Variants in REG3A observed in about 807,000 individuals in gnomAD.
The protein encoded by REG3A is regenerating islet-derived protein 3-alpha.
A neutral mutation model predicts 20.5 loss-of-function variants in REG3A; 15 were observed. The ratio of observed to expected loss-of-function variants is 0.73; its 90% CI spans 0.49 to 1.12. The LOEUF is 1.12. REG3A is among the 50% of genes most tolerant of loss of function. The pLI is 0.00. For missense variants in REG3A, 224 were observed against 213.1 expected (o/e 1.05, Z -0.32); for synonymous variants, 93 against 83.2 (o/e 1.12, Z -0.64).
In REG3A at chr2:79,157,293, GCT is replaced by G; in HGVS notation, c.461-2_461-1del. ...GTTATAATCTTTCCACCTCAGAAAT[GCT>G]GGAGAGACAGAAGACATAAATGGAA... On this transcript the variant is annotated splice_acceptor_variant, in intron 5 of 5. Transcript: ENST00000305165. LOFTEE classifies it high-confidence loss of function. 6.2e-7 allele frequency: 1 copy of G among 1,613,300 alleles called. No individual in the cohort carries two copies. Among genetic ancestry groups the G allele is most frequent in the Non-Finnish European group, 8.5e-7 (1 of 1,179,336 alleles).
At position 79,158,329 on chromosome 2, in the gene REG3A, T is replaced by C. The variant is rs1459572106; in HGVS notation, c.330A>G (p.Thr110=). ...AGAGGGGAGGATATACTGGCACCTG[T>C]GTGGGGTCATGGAGCCCAATCCAGA... is the stretch of plus-strand genomic sequence containing the variant. ...SYVWIGLHDP[T]QGTEPNGEGW... Residue 110 remains threonine (T), a synonymous_variant, in exon 4 of 6, where the codon ACA becomes ACG. Coordinates refer to ENST00000305165, the MANE Select transcript of REG3A (RefSeq NM_002580.3). The C allele has an allele frequency of 6.2e-7, 1 of 1,613,664 alleles. No homozygotes were observed. Among genetic ancestry groups the C allele is most frequent in the East Asian group, 2.2e-5 (1 of 44,872 alleles).
chr2:79,157,522 G>T (rs748651336), intron 5 of REG3A, 50 bp downstream of exon 5: 1 of 1,602,282 alleles, frequency 6.2e-7, no homozygotes, highest in East Asian at 2.2e-5. Context: ...ACCCAGGAAT[G>T]GGGGATGAGA....
intron 5 of REG3A, 132 bp downstream of exon 5, chr2:79,157,440 G>A: frequency 6.9e-7 from 1 of 1,450,048 alleles, no homozygotes; most frequent in Non-Finnish European, 9.5e-7. Flanking sequence ...AAAGAAAGTG[G>A]AGAAGAGAGG....
At chr2:79,157,463 A>G (rs1673339855) in intron 5 of REG3A, 109 bp downstream of exon 5, 1 of 1,506,154 alleles carries the variant, frequency 6.6e-7, no homozygotes, top group East Asian at 2.3e-5. Context: ...ATAAGAGAAG[A>G]CACACTAACA....
intron 1 of REG3A, 24 bp from the exon 2 acceptor site, chr2:79,159,463 A>C (rs1673399160): frequency 6.5e-7 from 1 of 1,528,224 alleles, no homozygotes; most frequent in South Asian, 1.1e-5. Context: ...GGTCAGTGGG[A>C]GAACACACAG....
chr2:79,159,577 G>A, intron 1 of REG3A, 138 bp from the exon 2 acceptor site: 2 of 662,422 alleles, frequency 3.0e-6, no homozygotes, highest in Non-Finnish European at 5.3e-6. Context: ...TTGTGAATCT[G>A]TGTACTCTCC....
Position 79,158,659 on chromosome 2 carries a change from C to T in REG3A, c.187G>A (p.Asp63Asn). 6.2e-7 allele frequency: 1 copy of T among 1,614,210 alleles called. No individual in the cohort carries two copies. The highest frequency in any genetic ancestry group is 8.5e-7 in the Non-Finnish European group (1 of 1,179,998). ...CACATCTAACCACTCACATCTGCAT[C>T]TGTCCAGGATTTTGGTGACAAAAAC... Reference protein sequence around the residue: ...ALFLSPKSWTDADLACQKRPS... With the variant: ...ALFLSPKSWTNADLACQKRPS... The change falls in exon 3 of 6, where the codon GAT (aspartate) becomes AAT (asparagine). Residue 63 changes from aspartate (D) to asparagine (N), a missense_variant. Physicochemically the swap from Asp to Asn is conservative, Grantham distance 23 (BLOSUM62 1). Transcript: ENST00000305165.
At chr2:79,158,200 T>G in intron 4 of REG3A, 126 bp downstream of exon 4, 1 of 1,140,898 alleles carries the variant, frequency 8.8e-7, no homozygotes, top group South Asian at 1.6e-5. Flanking sequence ...TCCCCCCAAA[T>G]ATTCCCCAGA....
Position 79,159,317 on chromosome 2 carries a change from A to G in REG3A, c.76+13T>C. On this transcript the variant is annotated intron_variant, in intron 2 of 5. Coordinates refer to ENST00000305165, the MANE Select transcript of REG3A (RefSeq NM_002580.3). ...TCATAGGGAACCCAGTGCTAGAGGCAAAGCAATCTCACCTTGAACCTGAGA... is the reference window on the plus strand; with the variant it reads ...TCATAGGGAACCCAGTGCTAGAGGCGAAGCAATCTCACCTTGAACCTGAGA... The G allele has an allele frequency of 6.2e-7, 1 of 1,613,842 alleles. No homozygotes were observed. Among genetic ancestry groups the G allele is most frequent in the Middle Eastern group, 1.6e-4 (1 of 6,062 alleles).
intron 3 of REG3A, 78 bp from the exon 4 acceptor site, chr2:79,158,541 G>A (rs961878330): frequency 2.9e-5 from 46 of 1,604,426 alleles, no homozygotes; most frequent in Non-Finnish European, 3.7e-5. Context: ...GTGGGAGGAG[G>A]ACTGTGTGAA....
At chr2:79,159,304 C>G (rs562358530) in intron 2 of REG3A, 26 bp downstream of exon 2, 1 of 1,612,452 alleles carries the variant, frequency 6.2e-7, no homozygotes, top group Admixed American at 1.7e-5. Context: ...ATAGGGAACC[C>G]AGTGCTAGAG....
Position 79,157,572 on chromosome 2 carries a change from C to T in REG3A, c.460G>A (p.Ala154Thr). The T allele has an allele frequency of 6.2e-7, 1 of 1,613,786 alleles. No homozygotes were observed. The highest frequency in any genetic ancestry group is 8.5e-7 in the Non-Finnish European group (1 of 1,179,798). ...GHCASLSRST[A>T]FLRWKDYNCN... is the part of the protein sequence containing the mutation. ...AAGAGGCAGCTCCTCTGTTTCTTAC[C>T]TGTGCTTCTCGACAGGCTCGCACAG... The change falls in exon 5 of 6, where the codon GCA becomes ACA. Residue 154 changes from alanine to threonine, a missense_variant and splice_region_variant. Transcript: ENST00000305165.
intron 2 of REG3A, chr2:79,159,098 G>A (rs963540019): frequency 6.8e-6 from 4 of 587,818 alleles, no homozygotes; most frequent in African/African-American, 3.7e-5. Flanking sequence ...TTTCCCACCA[G>A]TGTATATTAG....
chr2:79,158,334 G>A lies in REG3A; in HGVS notation c.325C>T (p.Pro109Ser), dbSNP rs749016320. Reference sequence around the variant, plus strand: ...GGAGGATATACTGGCACCTGTGTGGGGTCATGGAGCCCAATCCAGACGTAT... The same window carrying A: ...GGAGGATATACTGGCACCTGTGTGGAGTCATGGAGCCCAATCCAGACGTAT... Reference protein sequence around the residue: ...YSYVWIGLHDPTQGTEPNGEG... With the variant: ...YSYVWIGLHDSTQGTEPNGEG... Residue 109 changes from proline (P) to serine (S), a missense_variant, in exon 4 of 6, where the codon CCC (proline) becomes TCC (serine). Physicochemically the swap from Pro to Ser is moderately conservative, Grantham distance 74. Coordinates refer to ENST00000305165, the MANE Select transcript of REG3A (RefSeq NM_002580.3). 7 of 1,613,600 alleles carry A rather than the reference G, an allele frequency of 4.3e-6. No individual in the cohort carries two copies. The African/African-American group carries it at 9.3e-5, about 22-fold the overall frequency.
chr2:79,159,189 G>A (rs1673389317), intron 2 of REG3A, 141 bp downstream of exon 2: 2 of 839,054 alleles, frequency 2.4e-6, no homozygotes, highest in African/African-American at 1.7e-5. Flanking sequence ...TTAACCTGAA[G>A]GAAGGAGAGA....
chr2:79,158,013 A>G (rs1163739735), intron 4 of REG3A, among the ~76,000 whole-genome samples: 1 of 152,204 alleles, frequency 6.6e-6, no homozygotes, highest in Non-Finnish European at 1.5e-5. Context: ...AATTGATCCT[A>G]TCTTCATTAA....
At chr2:79,158,258 G>A (rs1159161971) in intron 4 of REG3A, 68 bp downstream of exon 4, 2 of 1,550,818 alleles carry the variant, frequency 1.3e-6, no homozygotes, top group Non-Finnish European at 1.8e-6. Flanking sequence ...AGGCACAGGG[G>A]ACAGGGAGTG....
Position 79,159,339 on chromosome 2 carries a change from G to A in REG3A, c.67C>T (p.Gln23Ter), listed in dbSNP as rs372505618. 6.2e-7 allele frequency: 1 copy of A among 1,613,948 alleles called. No homozygotes were observed. Among genetic ancestry groups the A allele is most frequent in the African/African-American group, 1.3e-5 (1 of 74,964 alleles). ...GGCAAAGCAATCTCACCTTGAACCT[G>A]AGACAGCAGCATGAGGCAGGAAAGC... ...MLLSCLMLLS[Q>*]VQGEEPQREL... The change falls in exon 2 of 6, where the codon CAG (glutamine) becomes TAG (stop). Residue 23 changes from glutamine (Q) to a stop codon, truncating the protein, a stop_gained. Coordinates refer to ENST00000305165, the MANE Select transcript of REG3A (RefSeq NM_002580.3). LOFTEE classifies it high-confidence loss of function.
chr2:79,157,363 G>A lies in REG3A; in HGVS notation c.461-70C>T. 3 of 1,520,270 alleles carry A rather than the reference G, an allele frequency of 2.0e-6. No individual in the cohort carries two copies. In the South Asian group the frequency reaches 3.4e-5, roughly 17 times the overall value. 94.2% of individuals were successfully genotyped at this position (1,520,270 alleles called of 1,614,324 possible). A position where few individuals can be genotyped will look rare whatever the true frequency, so the allele number is the denominator to read the frequency against. On this transcript the variant is annotated intron_variant, in intron 5 of 5. Transcript: ENST00000305165. ...GTGAATCCAATGAAGGGGCATCCCA[G>A]GTTTTAGCCTAGAAGTTAAAGCCTC...
Sources: allele counts gnomAD v4.1 joint callset (sites outside exome capture counted in the v4.1 genomes callset), GRCh38; gene constraint gnomAD v4.1.1; transcripts MANE v1.5; gene names NCBI Gene and HGNC (gene_info 2026-07-23, HGNC 2026-07-21).